ARMC9: variants seen among roughly 807,000 people sequenced by gnomAD.
ARMC9 encodes lisH domain-containing protein ARMC9.
A neutral mutation model predicts 107.0 loss-of-function variants in ARMC9; 94 were observed. The observed-to-expected ratio is 0.88, with a 90% CI of 0.74 to 1.04. ARMC9 has a LOEUF of 1.04. Ranked by LOEUF, ARMC9 falls within the 50% of genes least tolerant of loss-of-function variation. The pLI is 0.00. For missense variants in ARMC9, 942 were observed against 1,030.1 expected (o/e 0.91, Z 1.17); for synonymous variants, 380 against 396.9 (o/e 0.96, Z 0.51).
Position 231,297,195 on chromosome 2 carries a change from G to A in ARMC9, c.1773+942G>A, listed in dbSNP as rs1487863645. ...TCAGCAGGCGGCCTCTGTGGCTGCC[G>A]TTTTCTTCACAGGCTGCAGGTGGCA... On this transcript the variant is annotated intron_variant, in intron 19 of 24. Transcript: ENST00000611582. The surrounding 1 kb of genome is among the most constrained non-coding windows in gnomAD (Gnocchi z 4.2). 3.3e-5 allele frequency among the ~76,000 whole-genome samples: 5 copies of A among 152,202 alleles called. No individual in the cohort carries two copies. The highest frequency in any genetic ancestry group is 2.9e-5 in the Non-Finnish European group (2 of 68,032).
intron 7 of ARMC9, among the ~76,000 whole-genome samples, chr2:231,229,671 T>G (rs1463994169): frequency 1.3e-5 from 2 of 152,220 alleles, no homozygotes; most frequent in East Asian, 3.8e-4. Flanking sequence ...ATTCATAAGT[T>G]ACATTATAAC....
chr2:231,199,360 T>A (rs538239994), intron 1 of ARMC9, among the ~76,000 whole-genome samples: 10 of 152,356 alleles, frequency 6.6e-5, no homozygotes, highest in African/African-American at 2.4e-4. Context: ...GCATGGTGCC[T>A]GCCACGGTGT....
At chr2:231,232,688 T>G (rs1196918634) in intron 7 of ARMC9, among the ~76,000 whole-genome samples, 1 of 151,830 alleles carries the variant, frequency 6.6e-6, no homozygotes, top group Non-Finnish European at 1.5e-5. Flanking sequence ...TGACCTCAGG[T>G]GATCCACCTG....
At chr2:231,261,283 T>C (rs1378182868) in intron 11 of ARMC9, among the ~76,000 whole-genome samples, 2 of 152,232 alleles carry the variant, frequency 1.3e-5, no homozygotes, top group African/African-American at 2.4e-5. Flanking sequence ...ATACCCGTTA[T>C]ACATGCTCTC....
rs1449468877 is a variant in ARMC9, at chr2:231,222,713, C to T, written c.505-15C>T. ...GTAATCTAATGTTTGTATTTTTGTT[C>T]CCTTTTTTCTTTAGGATTCCTGGAC... On this transcript the variant is annotated splice_polypyrimidine_tract_variant and intron_variant, in intron 5 of 24. Coordinates refer to ENST00000611582, the MANE Select transcript of ARMC9 (RefSeq NM_001352754.2). The T allele has an allele frequency of 1.4e-6, 2 of 1,386,782 alleles. No individual in the cohort carries two copies. Among genetic ancestry groups the T allele is most frequent in the South Asian group, 1.2e-5 (1 of 83,010 alleles). The allele number at this position is 1,386,782 out of a possible 1,614,324, so 85.9% of individuals were successfully genotyped here. A position where few individuals can be genotyped will look rare whatever the true frequency, so the allele number is the denominator to read the frequency against.
At chr2:231,323,021 G>C (rs888211852) in intron 19 of ARMC9, among the ~76,000 whole-genome samples, 1 of 152,146 alleles carries the variant, frequency 6.6e-6, no homozygotes, top group Non-Finnish European at 1.5e-5. Context: ...ATTGAGAGAG[G>C]CTAGCAGAAT....
intron 12 of ARMC9, among the ~76,000 whole-genome samples, chr2:231,269,684 A>G (rs2039151020): frequency 6.6e-6 from 1 of 152,004 alleles, no homozygotes; most frequent in African/African-American, 2.4e-5. Flanking sequence ...CAGCCTCCCT[A>G]GCAGATGTCT....
intron 9 of ARMC9, among the ~76,000 whole-genome samples, chr2:231,245,055 G>A (rs1174871222): frequency 1.3e-5 from 2 of 152,220 alleles, no homozygotes; most frequent in Admixed American, 6.5e-5. Context: ...CCGTGTTATC[G>A]AAGCTGGCAC....
rs1575137542 is a variant in ARMC9 at position 231,340,164 on chromosome 2, G to A, written c.1879-4811G>A. ...AGGTTGAACAAAGAGAGGCAATGGT[G>A]GAAAAGTTACCAAATTATATGGGGA... On this transcript the variant is annotated intron_variant, in intron 20 of 24. Coordinates refer to ENST00000611582, the MANE Select transcript of ARMC9 (RefSeq NM_001352754.2). Among the ~76,000 whole-genome samples, 2 of 152,290 alleles carry A rather than the reference G, an allele frequency of 1.3e-5. 1 individual carries two copies.
Position 231,355,931 on chromosome 2 carries a change from T to A in ARMC9, c.2128T>A (p.Ser710Thr), listed in dbSNP as rs2045328267. The A allele has an allele frequency of 1.3e-6, 2 of 1,535,036 alleles. No homozygotes were observed. The highest frequency in any genetic ancestry group is 1.7e-6 in the Non-Finnish European group (2 of 1,146,086). The change falls in exon 22 of 25, where the codon TCA becomes ACA. Residue 710 changes from serine to threonine, a missense_variant. Coordinates refer to ENST00000611582, the MANE Select transcript of ARMC9 (RefSeq NM_001352754.2). The stretch of plus-strand genomic sequence containing the variant: ...CACCCCGGAGTCCTGCGTCTCCTCT[T>A]CATGTAAGAATGTGGGCAGCACACT... The part of the protein sequence containing the change: ...PSTPESCVSS[S>T]SAIIAKPGEW...
chr2:231,357,289 A>G (rs994030678), intron 22 of ARMC9, among the ~76,000 whole-genome samples: 4 of 152,166 alleles, frequency 2.6e-5, no homozygotes, highest in Non-Finnish European at 5.9e-5. Flanking sequence ...GCAGCTGCCC[A>G]CCAGCCCCCA....
intron 21 of ARMC9, among the ~76,000 whole-genome samples, chr2:231,352,407 C>G (rs984930712): frequency 6.6e-6 from 1 of 152,016 alleles, no homozygotes; most frequent in African/African-American, 2.4e-5. Flanking sequence ...ATTCTCCTTT[C>G]TCCTGTCTCA....
In ARMC9 at chr2:231,345,050, A is replaced by T; in HGVS notation, c.1954A>T (p.Arg652Trp). The change falls in exon 21 of 25, where the codon AGG (arginine) becomes TGG (tryptophan). Residue 652 changes from arginine (R) to tryptophan (W), a missense_variant. Arg to Trp is a moderately radical substitution (Grantham distance 101, BLOSUM62 -3). Transcript: ENST00000611582. The part of the protein sequence containing the change: ...VQWSGDEPLQ[R>W]PVTPGGHRNG... ...GTGGAGCGGGGATGAGCCCCTGCAA[A>T]GGCCCGTCACCCCCGGCGGCCACAG... is the stretch of plus-strand genomic sequence containing the variant. The T allele has an allele frequency of 6.2e-7, 1 of 1,613,928 alleles. No homozygotes were observed. The highest frequency in any genetic ancestry group is 8.5e-7 in the Non-Finnish European group (1 of 1,179,972).
chr2:231,235,496 C>A, intron 8 of ARMC9, 115 bp downstream of exon 8: 1 of 1,255,074 alleles, frequency 8.0e-7, no homozygotes, highest in Non-Finnish European at 1.1e-6. Flanking sequence ...AAGCCAGTGG[C>A]GCCTGCTGCT....
intron 15 of ARMC9, among the ~76,000 whole-genome samples, chr2:231,277,546 T>C (rs2039865458): frequency 1.6e-5 from 1 of 62,750 alleles, no homozygotes; most frequent in Non-Finnish European, 2.7e-5. Context: ...AAAAATAGCA[T>C]GCAAAAAGTC....
At chr2:231,364,368 A>G (rs1166631681) in intron 23 of ARMC9, among the ~76,000 whole-genome samples, 1 of 152,264 alleles carries the variant, frequency 6.6e-6, no homozygotes, top group Non-Finnish European at 1.5e-5. Context: ...TTGTCCTGCC[A>G]CAGATGAGAA....
chr2:231,308,966 G>A (rs1359782728), intron 19 of ARMC9, among the ~76,000 whole-genome samples: 1 of 152,202 alleles, frequency 6.6e-6, no homozygotes, highest in Non-Finnish European at 1.5e-5. Flanking sequence ...TCTAATCCCC[G>A]TTACCTAATG....
chr2:231,319,418 A>C (rs2042879544), intron 19 of ARMC9, among the ~76,000 whole-genome samples: 1 of 152,164 alleles, frequency 6.6e-6, no homozygotes, highest in Non-Finnish European at 1.5e-5. Flanking sequence ...ACTAACTGCC[A>C]CGAACCTGAG....
chr2:231,349,179 C>G (rs2044937383), intron 21 of ARMC9, among the ~76,000 whole-genome samples: 2 of 152,142 alleles, frequency 1.3e-5, no homozygotes, highest in African/African-American at 2.4e-5. Context: ...TTGGAAGTAG[C>G]CTCAGTGTCC....
Sources: allele counts gnomAD v4.1 joint callset (sites outside exome capture counted in the v4.1 genomes callset), GRCh38; gene constraint gnomAD v4.1.1; non-coding constraint Gnocchi (gnomAD v3.1); transcripts MANE v1.5; gene names NCBI Gene and HGNC (gene_info 2026-07-23, HGNC 2026-07-21).